The following NCKAP5 variants were observed in gnomAD, a reference collection of about 807,000 sequenced individuals.
NCKAP5 encodes nck-associated protein 5.
Under a neutral mutation model 167.0 loss-of-function variants are expected in NCKAP5, and 92 were observed. The observed-to-expected ratio is 0.55, with a 90% confidence interval of 0.47 to 0.66. The LOEUF (loss-of-function observed/expected upper bound fraction) is 0.66. Ranked by LOEUF, NCKAP5 falls within the 30% of genes least tolerant of loss-of-function variation. The pLI is 0.00. For synonymous variants in NCKAP5, 891 were observed against 877.4 expected, an observed-to-expected ratio of 1.02 and a Z score of -0.27; for missense variants, 2,378 against 2,315.0, an observed-to-expected ratio of 1.03 and a Z score of -0.56.
Position 133,254,260 on chromosome 2 carries a change from G to A in NCKAP5, c.144-40481C>T, listed in dbSNP as rs536673136. On this transcript the variant is annotated intron_variant, in intron 4 of 19. Transcript: ENST00000409261. ...GTCTAGAAGTTTACACTTTTGCCCT[G>A]AACCACCATGTAAGTAGTCCTGCTA... Among the ~76,000 whole-genome samples the A allele has an allele frequency of 5.1e-4, 77 of 152,216 alleles. 1 individual carries two copies. Among genetic ancestry groups the A allele is most frequent in the Admixed American group, 1.5e-3 (23 of 15,290 alleles).
intron 3 of NCKAP5, among the ~76,000 whole-genome samples, chr2:133,466,166 C>A (rs1692570556): frequency 7.0e-6 from 1 of 143,630 alleles, no homozygotes; most frequent in Non-Finnish European, 1.5e-5. Flanking sequence ...GTCTTTAATC[C>A]ATCTTGAATT....
chr2:132,952,228 TC>T (rs1228496316), intron 8 of NCKAP5, among the ~76,000 whole-genome samples: 1 of 152,238 alleles, frequency 6.6e-6, no homozygotes, highest in Non-Finnish European at 1.5e-5. Flanking sequence ...AGTTCATTTT[TC>T]TTCTTTGATA....
At chr2:132,851,757 C>A (rs766825941) in intron 11 of NCKAP5, among the ~76,000 whole-genome samples, 94 of 152,302 alleles carry the variant, frequency 6.2e-4, no homozygotes, top group Non-Finnish European at 1.1e-3. Context: ...TCCCAAGTCT[C>A]CTGAAGAGCT....
chr2:133,326,029 C>T (rs1682413800), intron 3 of NCKAP5, among the ~76,000 whole-genome samples: 1 of 152,194 alleles, frequency 6.6e-6, no homozygotes. Flanking sequence ...TGTCTTTCAG[C>T]ACTTCTTGTT....
chr2:133,175,835 C>T (rs1314847896), intron 5 of NCKAP5, among the ~76,000 whole-genome samples: 1 of 152,134 alleles, frequency 6.6e-6, no homozygotes, highest in Admixed American at 6.5e-5. Context: ...TTTGAGGGTA[C>T]ACTCTCAGCT....
the NCKAP5 span, among the ~76,000 whole-genome samples, chr2:133,573,474 C>T: frequency 2.2e-3 from 328 of 152,172 alleles, 2 homozygotes; most frequent in African/African-American, 7.4e-3. Flanking sequence ...TGTAAAGTTT[C>T]CCCTATTTTG....
At chr2:133,366,726 T>C (rs569118262) in intron 3 of NCKAP5, among the ~76,000 whole-genome samples, 29 of 152,370 alleles carry the variant, frequency 1.9e-4, no homozygotes, top group African/African-American at 6.7e-4. Context: ...GAATATTTGT[T>C]AAATAGTTAT....
At chr2:133,266,044 G>A (rs1308298410) in intron 4 of NCKAP5, among the ~76,000 whole-genome samples, 1 of 152,140 alleles carries the variant, frequency 6.6e-6, no homozygotes, top group Non-Finnish European at 1.5e-5. Flanking sequence ...ACGTGGAAGT[G>A]TTTCTGCACG....
At chr2:133,259,450 A>G (rs1414035726) in intron 4 of NCKAP5, among the ~76,000 whole-genome samples, 1 of 152,224 alleles carries the variant, frequency 6.6e-6, no homozygotes, top group Non-Finnish European at 1.5e-5. Flanking sequence ...TGTTAAATAA[A>G]TGGTATGTTT....
chr2:132,746,103 G>T (rs990556190), intron 16 of NCKAP5, among the ~76,000 whole-genome samples: 1 of 151,810 alleles, frequency 6.6e-6, no homozygotes, highest in African/African-American at 2.4e-5. Flanking sequence ...TGTGAAAATG[G>T]AAACATTTTC....
chr2:133,018,490 A>G (rs549705455), intron 6 of NCKAP5, among the ~76,000 whole-genome samples: 1 of 152,306 alleles, frequency 6.6e-6, no homozygotes, highest in Admixed American at 6.5e-5. Context: ...CTTAAACTAG[A>G]TTTAATATCT....
intron 3 of NCKAP5, among the ~76,000 whole-genome samples, chr2:133,507,665 G>A (rs1683129370): frequency 6.6e-6 from 1 of 152,206 alleles, no homozygotes; most frequent in African/African-American, 2.4e-5. Flanking sequence ...AATGGAGGCA[G>A]TGCCTCTGGT....
intron 8 of NCKAP5, among the ~76,000 whole-genome samples, chr2:132,920,777 A>ATG (rs1254977486): frequency 2.2e-4 from 3 of 13,862 alleles, no homozygotes; most frequent in African/African-American, 6.5e-4. Context: ...GTATGTATAT[A>ATG]TATATATATA....
chr2:132,999,152 T>C (rs2077699205), intron 6 of NCKAP5, among the ~76,000 whole-genome samples: 1 of 152,112 alleles, frequency 6.6e-6, no homozygotes, highest in Non-Finnish European at 1.5e-5. Flanking sequence ...TCAGGTAACA[T>C]TAGGTATAAA....
intron 6 of NCKAP5, among the ~76,000 whole-genome samples, chr2:133,105,831 G>A (rs912829087): frequency 3.3e-5 from 5 of 152,140 alleles, no homozygotes; most frequent in Non-Finnish European, 7.4e-5. Context: ...TAAACTATCT[G>A]CTTATATATT....
In NCKAP5 at chr2:132,781,104, T is replaced by C. The variant is rs1682992517; in HGVS notation, c.4997A>G (p.His1666Arg). 2 of 1,613,714 alleles carry C rather than the reference T, an allele frequency of 1.2e-6. No individual in the cohort carries two copies. Among genetic ancestry groups the C allele is most frequent in the Non-Finnish European group, 1.7e-6 (2 of 1,179,820 alleles). ...GGCTTTGATTTTCATGTTTTTCTTG[T>C]GGTTTCCTTGAGTACTGATAGAGCT... ...IGSSISTQGN[H>R]KKNMKIKADM... is the part of the protein sequence containing the mutation. The change falls in exon 15 of 20, where the codon CAC (histidine) becomes CGC (arginine). Residue 1666 changes from histidine to arginine, a missense_variant. This residue lies in a region of NCKAP5 where 1,325 missense variants were observed against 1,274.5 expected (regional missense o/e 1.04). Transcript: ENST00000409261.
chr2:133,422,335 C>T (rs1440284576), intron 3 of NCKAP5, among the ~76,000 whole-genome samples: 1 of 152,226 alleles, frequency 6.6e-6, no homozygotes, highest in African/African-American at 2.4e-5. Context: ...AATATTAAAT[C>T]AAAGAGGGCA....
chr2:133,632,607 GGTGTGTGAAGTA>G, the NCKAP5 span, among the ~76,000 whole-genome samples: 1 of 152,180 alleles, frequency 6.6e-6, no homozygotes, highest in Non-Finnish European at 1.5e-5. Flanking sequence ...ATAGTGCACA[GGTGTGTGAAGTA>G]CCCCTCCTGG....
At chr2:132,684,301 G>A (rs975180955) in intron 19 of NCKAP5, among the ~76,000 whole-genome samples, 1 of 152,188 alleles carries the variant, frequency 6.6e-6, no homozygotes, top group African/African-American at 2.4e-5. Context: ...GTGTAACTCA[G>A]GGTCTTTCAT....
Sources: gnomAD v4.1 joint callset for allele counts (sites outside exome capture counted in the v4.1 genomes callset) on GRCh38, gnomAD v4.1.1 for gene constraint, gnomAD v4.1.1 regional missense constraint, MANE v1.5 for transcripts, NCBI Gene and HGNC (gene_info 2026-07-23, HGNC 2026-07-21) for gene names.